ERCC8: variants seen among roughly 807,000 people sequenced by gnomAD.
ERCC8 encodes the protein DNA excision repair protein ERCC-8.
ERCC8 carries 52 observed loss-of-function variants against 54.9 expected under a neutral mutation model. That is an observed-to-expected ratio of 0.95 (90% confidence interval 0.76 to 1.19). The LOEUF (loss-of-function observed/expected upper bound fraction) is 1.19, where lower values mean the gene tolerates loss of function less well. Among genes scored for constraint, ERCC8 ranks in the 50% most tolerant of loss-of-function variants. The pLI is 0.00. For synonymous variants in ERCC8, 146 were observed against 157.2 expected (o/e 0.93, Z 0.53); for missense variants, 514 against 466.1 (o/e 1.10, Z -0.95).
intron 1 of ERCC8, among the ~76,000 whole-genome samples, chr5:60,942,824 T>C (rs1199450336): frequency 6.6e-6 from 1 of 152,198 alleles, no homozygotes; most frequent in East Asian, 1.9e-4. Flanking sequence ...TGTAAAATGT[T>C]TTTTTAGAGG....
rs4647170 is a variant in ERCC8 at position 60,873,273 on chromosome 5, T to C, written c.*1342A>G. On this transcript the variant is annotated 3_prime_UTR_variant, in exon 12 of 12. Transcript: ENST00000676185. ...CAGTATGTTGTACATGGTAAATACA[T>C]ACAATTTTATCTGCCAATTGGAAAA... Among the ~76,000 whole-genome samples the C allele has an allele frequency of 0.024, 3,649 of 152,238 alleles. 59 individuals carry two copies. Among genetic ancestry groups the C allele is most frequent in the Non-Finnish European group, 0.037 (2,533 of 68,014 alleles).
intron 2 of ERCC8, among the ~76,000 whole-genome samples, chr5:60,922,538 C>T (rs1030242618): frequency 6.6e-6 from 1 of 152,038 alleles, no homozygotes; most frequent in Non-Finnish European, 1.5e-5. Flanking sequence ...CTGACACTTG[C>T]TATTTGGCTC....
intron 11 of ERCC8, among the ~76,000 whole-genome samples, chr5:60,875,324 G>T (rs1199167828): frequency 6.6e-6 from 1 of 152,132 alleles, no homozygotes; most frequent in African/African-American, 2.4e-5. Flanking sequence ...GTCAGAAATG[G>T]TAACACGTTT....
Position 60,874,606 on chromosome 5 carries a change from AGAT to A in ERCC8, c.*6_*8del. 1 of 1,612,750 alleles carries A rather than the reference AGAT, an allele frequency of 6.2e-7. No individual in the cohort carries two copies. Among genetic ancestry groups the A allele is most frequent in the South Asian group, 1.1e-5 (1 of 90,896 alleles). On this transcript the variant is annotated 3_prime_UTR_variant, in exon 12 of 12. Transcript: ENST00000676185. ...TTCAGCAGAGACAAAAAGGTACTAA[AGAT>A]GATATTCATCCTTCTTCATCACTGC...
At chr5:60,926,229 A>G (rs1200789201) in intron 2 of ERCC8, among the ~76,000 whole-genome samples, 1 of 152,216 alleles carries the variant, frequency 6.6e-6, no homozygotes, top group Non-Finnish European at 1.5e-5. Flanking sequence ...ATACAATTAA[A>G]TGTAGAGGCA....
chr5:60,899,487 A>G, intron 8 of ERCC8, 140 bp downstream of exon 8: 1 of 617,550 alleles, frequency 1.6e-6, no homozygotes, highest in Non-Finnish European at 2.9e-6. Context: ...AAATTAAGAA[A>G]GTGATATACG....
chr5:60,888,956 C>T (rs964354937), intron 10 of ERCC8, among the ~76,000 whole-genome samples: 2 of 152,216 alleles, frequency 1.3e-5, no homozygotes, highest in Non-Finnish European at 2.9e-5. Context: ...ACATGCTGCA[C>T]TTAGTCGTCA....
intron 4 of ERCC8, among the ~76,000 whole-genome samples, chr5:60,913,043 G>A (rs527438755): frequency 6.6e-6 from 1 of 152,016 alleles, no homozygotes; most frequent in African/African-American, 2.4e-5. Flanking sequence ...GGATATTGGT[G>A]TAAATTTCTC....
At chr5:60,901,866 C>T (rs1488967401) in intron 7 of ERCC8, among the ~76,000 whole-genome samples, 1 of 152,000 alleles carries the variant, frequency 6.6e-6, no homozygotes, top group African/African-American at 2.4e-5. Context: ...TCTTTTGATC[C>T]TCTCAGAGTT....
intron 1 of ERCC8, among the ~76,000 whole-genome samples, chr5:60,938,034 TACATAC>T (rs1750122097): frequency 5.5e-5 from 1 of 18,260 alleles, no homozygotes; most frequent in African/African-American, 1.3e-4. Flanking sequence ...TATACATACA[TACATAC>T]ATACATACAT....
At chr5:60,896,238 C>T (rs1242021563) in intron 9 of ERCC8, among the ~76,000 whole-genome samples, 5 of 151,046 alleles carry the variant, frequency 3.3e-5, no homozygotes, top group Admixed American at 1.3e-4. Flanking sequence ...TTGTTTGAGA[C>T]GGAGTTTTGC....
chr5:60,887,466 A>AT lies in ERCC8; in HGVS notation c.1095dup (p.Tyr366IlefsTer2), dbSNP rs750622098. The stretch of plus-strand genomic sequence containing the variant: ...TCATCATCATCAGGAACTGGTTCAT[A>AT]TAAGGATGGAACCCAAGCCAGAATG... On this transcript the variant is annotated frameshift_variant, in exon 11 of 12. Coordinates refer to ENST00000676185, the MANE Select transcript of ERCC8 (RefSeq NM_000082.4). LOFTEE classifies it high-confidence loss of function. 6 of 1,613,696 alleles carry AT rather than the reference A, an allele frequency of 3.7e-6. No individual in the cohort carries two copies. The highest frequency in any genetic ancestry group is 2.7e-5 in the African/African-American group (2 of 74,938).
chr5:60,880,332 C>T (rs1748169290), intron 11 of ERCC8, among the ~76,000 whole-genome samples: 1 of 152,160 alleles, frequency 6.6e-6, no homozygotes, highest in Non-Finnish European at 1.5e-5. Flanking sequence ...GTGAATCTGA[C>T]AATTATGTGT....
chr5:60,890,762 T>C (rs1277707596), intron 10 of ERCC8, 127 bp downstream of exon 10: 1 of 728,604 alleles, frequency 1.4e-6, no homozygotes, highest in Non-Finnish European at 2.4e-6. Flanking sequence ...CTCTATTAAA[T>C]AAATCCTACT....
At chr5:60,940,352 C>G (rs961382533) in intron 1 of ERCC8, among the ~76,000 whole-genome samples, 2 of 152,208 alleles carry the variant, frequency 1.3e-5, no homozygotes, top group African/African-American at 4.8e-5. Flanking sequence ...CTCTGTTCAT[C>G]AGAGTCCCGA....
intron 9 of ERCC8, among the ~76,000 whole-genome samples, chr5:60,895,233 T>C (rs959980273): frequency 6.6e-6 from 1 of 151,470 alleles, no homozygotes; most frequent in African/African-American, 2.4e-5. Context: ...TGTGTGTGTA[T>C]GTGTATGTAT....
At chr5:60,876,191 C>T (rs1748000192) in intron 11 of ERCC8, among the ~76,000 whole-genome samples, 1 of 152,144 alleles carries the variant, frequency 6.6e-6, no homozygotes, top group Non-Finnish European at 1.5e-5. Context: ...CATCCATGTC[C>T]CTGCAGAGGA....
chr5:60,925,226 G>A (rs912559505), intron 2 of ERCC8, among the ~76,000 whole-genome samples: 2 of 151,994 alleles, frequency 1.3e-5, no homozygotes, highest in Admixed American at 6.6e-5. Flanking sequence ...TTTTTGGGGG[G>A]TAAGATTTCA....
At chr5:60,933,216 C>CTTTTTTTTTTTTTT (rs143139297) in intron 1 of ERCC8, among the ~76,000 whole-genome samples, 1 of 89,484 alleles carries the variant, frequency 1.1e-5, no homozygotes, top group Non-Finnish European at 2.0e-5. Flanking sequence ...CCTTTTTTTT[C>CTTTTTTTTTTTTTT]TTTTTTTTTT....
Sources: gnomAD v4.1 joint callset for allele counts (sites outside exome capture counted in the v4.1 genomes callset) on GRCh38, gnomAD v4.1.1 for gene constraint, MANE v1.5 for transcripts, NCBI Gene and HGNC (gene_info 2026-07-23, HGNC 2026-07-21) for gene names.